The following MYH10 variants were observed in gnomAD, a reference collection of about 807,000 sequenced individuals.
The protein encoded by MYH10 is myosin-10.
MYH10 carries 55 observed loss-of-function variants against 257.8 expected under a neutral mutation model. The observed-to-expected ratio is 0.21, with a 90% CI of 0.17 to 0.27. The LOEUF (loss-of-function observed/expected upper bound fraction) is 0.27. Among genes scored for constraint, MYH10 ranks in the 10% least tolerant of loss-of-function variants. MYH10 has a pLI of 1.00. For synonymous variants in MYH10, 854 were observed against 921.7 expected (o/e 0.93, Z 1.33); for missense variants, 1,631 against 2,500.6 (o/e 0.65, Z 7.42).
chr17:8,521,061 A>G (rs1395560301), intron 18 of MYH10, 31 bp downstream of exon 18: 1 of 1,613,490 alleles, frequency 6.2e-7, no homozygotes. Context: ...ATCAGTTTTA[A>G]ATACTAGCAT....
At chr17:8,586,866 T>C (rs1276945158) in intron 4 of MYH10, among the ~76,000 whole-genome samples, 1 of 152,208 alleles carries the variant, frequency 6.6e-6, no homozygotes, top group African/African-American at 2.4e-5. Flanking sequence ...AGTCTCCACC[T>C]GGTTTTGTTT....
rs1043766672 is a variant in MYH10, at chr17:8,578,428, G to A, written c.531-1090C>T. 6.4e-4 allele frequency among the ~76,000 whole-genome samples: 97 copies of A among 151,904 alleles called. 1 individual carries two copies. Among genetic ancestry groups the A allele is most frequent in the African/African-American group, 2.3e-3 (94 of 41,344 alleles). ...TGGCTAAGTTTTTGTATTTTTAGTA[G>A]AGACAGGGTCTAGCCATGTTGGCTA... is the stretch of plus-strand genomic sequence containing the variant. On this transcript the variant is annotated intron_variant, in intron 4 of 42. Coordinates refer to ENST00000360416, the MANE Select transcript of MYH10 (RefSeq NM_001256012.3).
intron 24 of MYH10, chr17:8,511,197 A>G (rs1567824107): frequency 1.3e-5 from 2 of 151,826 alleles, no homozygotes; most frequent in South Asian, 2.1e-4. Context: ...ATCCCCTCCA[A>G]AAAACGAAAT....
Position 8,477,534 on chromosome 17 carries a change from G to A in MYH10, c.5707-486C>T, listed in dbSNP as rs1299280508. ...GGGATGACATGCCACAGAACTAAGAGCCTCCCTTTTGGACCCTTCATTCCT... is the reference window on the plus strand; with the variant it reads ...GGGATGACATGCCACAGAACTAAGAACCTCCCTTTTGGACCCTTCATTCCT... On this transcript the variant is annotated intron_variant, in intron 41 of 42. Transcript: ENST00000360416. The surrounding 1 kb of genome is among the most constrained non-coding windows in gnomAD (Gnocchi z 4.2). Among the ~76,000 whole-genome samples the A allele has an allele frequency of 6.6e-6, 1 of 152,144 alleles. No individual in the cohort carries two copies. Among genetic ancestry groups the A allele is most frequent in the African/African-American group, 2.4e-5 (1 of 41,436 alleles).
At chr17:8,609,315 A>G (rs187792890) in intron 2 of MYH10, among the ~76,000 whole-genome samples, 28 of 152,308 alleles carry the variant, frequency 1.8e-4, no homozygotes, top group Admixed American at 1.3e-3. Context: ...CTACATCCCA[A>G]CTGTAGCTCT....
chr17:8,497,347 A>G (rs1049246230), intron 30 of MYH10, among the ~76,000 whole-genome samples: 3 of 152,330 alleles, frequency 2.0e-5, no homozygotes, highest in African/African-American at 7.2e-5. Flanking sequence ...TGCTGGTTGC[A>G]TAGAAGTCCG....
intron 3 of MYH10, among the ~76,000 whole-genome samples, chr17:8,591,230 C>A (rs2084127941): frequency 1.3e-5 from 2 of 152,078 alleles, no homozygotes; most frequent in Non-Finnish European, 2.9e-5. Flanking sequence ...CGGTTGACTG[C>A]CCACTAGAAT....
At chr17:8,621,455 C>A (rs888847167) in intron 2 of MYH10, among the ~76,000 whole-genome samples, 2 of 152,048 alleles carry the variant, frequency 1.3e-5, no homozygotes, top group African/African-American at 4.8e-5. Context: ...ATCCAAAGCC[C>A]CCCACACTCA....
intron 13 of MYH10, among the ~76,000 whole-genome samples, chr17:8,543,341 G>T (rs1017337827): frequency 6.6e-6 from 1 of 152,150 alleles, no homozygotes; most frequent in African/African-American, 2.4e-5. Flanking sequence ...GCTCAACACT[G>T]TATTTCTGGC....
intron 29 of MYH10, among the ~76,000 whole-genome samples, chr17:8,500,221 G>C (rs1307387935): frequency 1.3e-5 from 2 of 152,224 alleles, no homozygotes; most frequent in Non-Finnish European, 2.9e-5. Context: ...ACTGGAGCAA[G>C]AACCAAGTCA....
At chr17:8,559,898 T>C (rs2082927768) in intron 7 of MYH10, among the ~76,000 whole-genome samples, 1 of 152,216 alleles carries the variant, frequency 6.6e-6, no homozygotes, top group South Asian at 2.1e-4. Flanking sequence ...TATTGCTATT[T>C]TAAGAGACAG....
At chr17:8,525,568 C>T (rs1162490595) in intron 17 of MYH10, among the ~76,000 whole-genome samples, 1 of 152,206 alleles carries the variant, frequency 6.6e-6, no homozygotes. Flanking sequence ...AGAGGAAGAG[C>T]ACCATGTTAC....
intron 3 of MYH10, among the ~76,000 whole-genome samples, chr17:8,597,792 G>A (rs1485301542): frequency 1.6e-5 from 2 of 125,984 alleles, no homozygotes; most frequent in Admixed American, 1.6e-4. Flanking sequence ...TTTTTTTTTT[G>A]TATTTTTAGT....
intron 2 of MYH10, among the ~76,000 whole-genome samples, chr17:8,606,883 T>C (rs541975813): frequency 6.6e-6 from 1 of 152,332 alleles, no homozygotes; most frequent in South Asian, 2.1e-4. Flanking sequence ...CTCTTGGCCT[T>C]CTTGTATGCA....
In MYH10 at chr17:8,542,154, C is replaced by T. The variant is rs1319646094; in HGVS notation, c.1558G>A (p.Asp520Asn). 13 of 1,614,028 alleles carry T rather than the reference C, an allele frequency of 8.1e-6. No individual in the cohort carries two copies. Among genetic ancestry groups the T allele is most frequent in the Admixed American group, 1.7e-5 (1 of 59,996 alleles). The change falls in exon 14 of 43, where the codon GAT becomes AAT. Residue 520 changes from aspartate (D) to asparagine (N), a missense_variant. This residue lies in a region of MYH10 where 63 missense variants were observed against 167.9 expected (regional missense o/e 0.38). Coordinates refer to ENST00000360416, the MANE Select transcript of MYH10 (RefSeq NM_001256012.3). ...QREGIEWNFI[D>N]FGLDLQPCID... ...CATGGCTGCAGATCCAGCCCGAAATCGATGAAGTTCCACTCGATGCCTTCG... is the reference window on the plus strand; with the variant it reads ...CATGGCTGCAGATCCAGCCCGAAATTGATGAAGTTCCACTCGATGCCTTCG...
At chr17:8,611,145 AC>A (rs2085023369) in intron 2 of MYH10, among the ~76,000 whole-genome samples, 1 of 152,162 alleles carries the variant, frequency 6.6e-6, no homozygotes, top group African/African-American at 2.4e-5. Context: ...GGTGGTAAAT[AC>A]CCCAAGCTTT....
intron 14 of MYH10, among the ~76,000 whole-genome samples, chr17:8,536,900 A>G (rs1303023851): frequency 6.6e-6 from 1 of 151,946 alleles, no homozygotes; most frequent in Non-Finnish European, 1.5e-5. Flanking sequence ...ACTAATGGGT[A>G]TGAGGTTTCT....
At chr17:8,532,774 G>A (rs1211583467) in intron 16 of MYH10, among the ~76,000 whole-genome samples, 1 of 152,198 alleles carries the variant, frequency 6.6e-6, no homozygotes. Flanking sequence ...TTGGGAGGCA[G>A]GGGACATGTC....
chr17:8,583,627 A>G (rs1225704619), intron 4 of MYH10, among the ~76,000 whole-genome samples: 4 of 152,236 alleles, frequency 2.6e-5, no homozygotes, highest in African/African-American at 9.6e-5. Context: ...CAACTACATT[A>G]CACTGTTGCC....
Sources: gnomAD v4.1 joint callset for allele counts (sites outside exome capture counted in the v4.1 genomes callset) on GRCh38, gnomAD v4.1.1 for gene constraint, gnomAD v4.1.1 regional missense constraint, Gnocchi (gnomAD v3.1) non-coding constraint, MANE v1.5 for transcripts, NCBI Gene and HGNC (gene_info 2026-07-23, HGNC 2026-07-21) for gene names.